The following AKAP6 variants were observed in gnomAD, a reference collection of about 807,000 sequenced individuals.
AKAP6 encodes the protein A-kinase anchoring protein 6, also known as A-kinase anchor protein 6.
A neutral mutation model predicts 188.5 loss-of-function variants in AKAP6; 58 were observed. The ratio of observed to expected loss-of-function variants is 0.31; its 90% CI spans 0.25 to 0.38. AKAP6 has a LOEUF of 0.38. Among genes scored for constraint, AKAP6 ranks in the 10% least tolerant of loss-of-function variants. The pLI is 1.00. For missense variants in AKAP6, 2,710 were observed against 2,740.0 expected, an observed-to-expected ratio of 0.99 and a Z score of 0.24; for synonymous variants, 989 against 998.6, an observed-to-expected ratio of 0.99 and a Z score of 0.18.
chr14:32,774,133 C>G, intron 12 of AKAP6: 2 of 523,770 alleles, frequency 3.8e-6, no homozygotes, highest in South Asian at 4.2e-5. Flanking sequence ...ATTAAAATTC[C>G]TTTAGTGTAC....
At chr14:32,373,419 G>A (rs975020575) in intron 1 of AKAP6, 3 of 152,172 alleles carry the variant, frequency 2.0e-5, no homozygotes, top group Admixed American at 1.3e-4. Context: ...GATCAGATGA[G>A]CCAGTTTATT....
At chr14:32,481,888 T>C (rs1043343649) in intron 2 of AKAP6, among the ~76,000 whole-genome samples, 8 of 152,202 alleles carry the variant, frequency 5.3e-5, no homozygotes, top group African/African-American at 1.9e-4. Flanking sequence ...CAATTACTGT[T>C]TCCACTTCCT....
chr14:32,740,567 G>A (rs10130485), intron 11 of AKAP6, among the ~76,000 whole-genome samples: 150,109 of 152,138 alleles, frequency 0.99, 74,090 homozygotes, highest in Middle Eastern at 1. Context: ...AGAGGTAGGG[G>A]TCTAGTTTCA....
intron 12 of AKAP6, among the ~76,000 whole-genome samples, chr14:32,790,757 C>T (rs1023997239): frequency 6.6e-6 from 1 of 152,000 alleles, no homozygotes; most frequent in Non-Finnish European, 1.5e-5. Flanking sequence ...TCCTAATGCT[C>T]TCTATCCCCT....
chr14:32,330,512 A>G (rs1340495324), intron 1 of AKAP6, among the ~76,000 whole-genome samples: 1 of 152,006 alleles, frequency 6.6e-6, no homozygotes, highest in Non-Finnish European at 1.5e-5. Context: ...GGCACATGTC[A>G]GTTCAATTGA....
intron 12 of AKAP6, 53 bp from the exon 13 acceptor site, chr14:32,821,349 T>G: frequency 6.6e-7 from 1 of 1,513,440 alleles, no homozygotes; most frequent in African/African-American, 1.4e-5. Context: ...GATAAAATTT[T>G]CATGCTTGTG....
At chr14:32,402,495 A>G (rs977051907) in intron 1 of AKAP6, among the ~76,000 whole-genome samples, 12 of 152,170 alleles carry the variant, frequency 7.9e-5, no homozygotes, top group African/African-American at 1.7e-4. Flanking sequence ...ATCTAGACCA[A>G]TTCATAGTTC....
chr14:32,667,667 T>TATAG (rs2139599310), intron 7 of AKAP6, among the ~76,000 whole-genome samples: 1 of 152,254 alleles, frequency 6.6e-6, no homozygotes, highest in African/African-American at 2.4e-5. Flanking sequence ...CTGAGCTGAG[T>TATAG]GCTACTGTGC....
chr14:32,486,944 G>A (rs575970496), intron 2 of AKAP6, among the ~76,000 whole-genome samples: 88 of 152,290 alleles, frequency 5.8e-4, no homozygotes, highest in African/African-American at 2.0e-3. Flanking sequence ...TATGATATTG[G>A]CTGTGGGTTC....
At chr14:32,577,014 T>C in intron 4 of AKAP6, 106 bp from the exon 5 acceptor site, 1 of 1,330,476 alleles carries the variant, frequency 7.5e-7, no homozygotes, top group Non-Finnish European at 1.0e-6. Context: ...TGGGATCGAT[T>C]TGATCATGGA....
At chr14:32,698,072 G>A (rs535398126) in intron 9 of AKAP6, among the ~76,000 whole-genome samples, 1 of 152,236 alleles carries the variant, frequency 6.6e-6, no homozygotes, top group East Asian at 1.9e-4. Flanking sequence ...AGTAGAAAAT[G>A]CTGCTAGTCT....
chr14:32,402,409 A>G (rs1258994979), intron 1 of AKAP6, among the ~76,000 whole-genome samples: 1 of 152,202 alleles, frequency 6.6e-6, no homozygotes, highest in Non-Finnish European at 1.5e-5. Context: ...AATTCAGGTA[A>G]GTGTTAAAAT....
rs1036431216 is a variant in AKAP6 at position 32,568,571 on chromosome 14, A to C, written c.2347-8549A>C. On this transcript the variant is annotated intron_variant, in intron 4 of 13. Coordinates refer to ENST00000280979, the MANE Select transcript of AKAP6 (RefSeq NM_004274.5). This position sits in a 1 kb window ranked among gnomAD's most constrained non-coding sequence, Gnocchi z 6.2. ...CTTAAAGGCAGATAAAGATGATCTG[A>C]TCTGCTTATCCAGTGTCTTGGAGGA... Among the ~76,000 whole-genome samples, 5 of 152,172 alleles carry C rather than the reference A, an allele frequency of 3.3e-5. No homozygotes were observed. Among genetic ancestry groups the C allele is most frequent in the African/African-American group, 1.2e-4 (5 of 41,436 alleles).
intron 1 of AKAP6, among the ~76,000 whole-genome samples, chr14:32,416,397 TTGAG>T (rs1368032195): frequency 3.9e-5 from 6 of 152,206 alleles, no homozygotes; most frequent in Non-Finnish European, 8.8e-5. Context: ...TTTGTTGTTA[TTGAG>T]TGTTGGGAGT....
intron 1 of AKAP6, among the ~76,000 whole-genome samples, chr14:32,410,448 A>C (rs926269346): frequency 1.2e-4 from 19 of 152,138 alleles, no homozygotes; most frequent in African/African-American, 4.1e-4. Flanking sequence ...TGTACATCTT[A>C]AATGTATTTG....
At chr14:32,371,879 G>T (rs1566469717) in intron 1 of AKAP6, among the ~76,000 whole-genome samples, 1 of 152,052 alleles carries the variant, frequency 6.6e-6, no homozygotes, top group Non-Finnish European at 1.5e-5. Context: ...TTGAAGGGTG[G>T]TTTCCTCATC....
Position 32,596,440 on chromosome 14 carries a change from G to A in AKAP6, c.2470-2970G>A, listed in dbSNP as rs116677853. On this transcript the variant is annotated intron_variant, in intron 5 of 13. Transcript: ENST00000280979. Reference sequence around the variant, plus strand: ...TGCTAGAGGTTATAGTAATAGAAATGCCCATTGGTGAATCTTTGATAATCC... The same window carrying A: ...TGCTAGAGGTTATAGTAATAGAAATACCCATTGGTGAATCTTTGATAATCC... Among the ~76,000 whole-genome samples the A allele has an allele frequency of 4.2e-3, 634 of 152,256 alleles. 6 individuals carry two copies. The highest frequency in any genetic ancestry group is 0.014 in the African/African-American group (594 of 41,562).
At chr14:32,495,944 ATTG>A (rs1312651520) in intron 2 of AKAP6, among the ~76,000 whole-genome samples, 2 of 152,164 alleles carry the variant, frequency 1.3e-5, no homozygotes, top group Admixed American at 6.5e-5. Flanking sequence ...TTGCTGCAAT[ATTG>A]TTGTTCTTCT....
chr14:32,368,219 A>T (rs1487410142), intron 1 of AKAP6, among the ~76,000 whole-genome samples: 2 of 152,084 alleles, frequency 1.3e-5, no homozygotes, highest in African/African-American at 4.8e-5. Flanking sequence ...AACATAATCC[A>T]TTGCAGATAA....
Sources: allele counts gnomAD v4.1 joint callset (sites outside exome capture counted in the v4.1 genomes callset), GRCh38; gene constraint gnomAD v4.1.1; non-coding constraint Gnocchi (gnomAD v3.1); transcripts MANE v1.5; gene names NCBI Gene and HGNC (gene_info 2026-07-23, HGNC 2026-07-21).